MBD2: variants seen among roughly 807,000 people sequenced by gnomAD.
MBD2 encodes methyl-CpG-binding domain protein 2.
MBD2 carries 9 observed loss-of-function variants against 39.3 expected under a neutral mutation model. The ratio of observed to expected loss-of-function variants is 0.23; its 90% CI spans 0.14 to 0.40. The LOEUF (loss-of-function observed/expected upper bound fraction) is 0.40, where lower values mean the gene tolerates loss of function less well. Ranked by LOEUF, MBD2 falls within the 10% of genes least tolerant of loss-of-function variation. The probability of loss-of-function intolerance (pLI) is 1.00; values close to 1 mark genes in which losing one functional copy is unlikely to be tolerated. For synonymous variants in MBD2, 233 were observed against 211.1 expected (o/e 1.10, Z -0.90); for missense variants, 458 against 532.6 (o/e 0.86, Z 1.38).
intron 3 of MBD2, among the ~76,000 whole-genome samples, chr18:54,186,318 T>C (rs1416925850): frequency 6.6e-6 from 1 of 152,178 alleles, no homozygotes; most frequent in African/African-American, 2.4e-5. Flanking sequence ...ACTTCTCCAA[T>C]TGGAATATTT....
At chr18:54,212,453 T>C (rs1223169133) in intron 1 of MBD2, among the ~76,000 whole-genome samples, 1 of 152,174 alleles carries the variant, frequency 6.6e-6, no homozygotes, top group Non-Finnish European at 1.5e-5. Context: ...TCTTCTCAAA[T>C]AGCATATTGA....
intron 5 of MBD2, among the ~76,000 whole-genome samples, chr18:54,162,450 T>C (rs535123756): frequency 7.2e-5 from 11 of 152,316 alleles, no homozygotes; most frequent in Non-Finnish European, 1.5e-4. Context: ...ACAAGGAGTA[T>C]TTTCTTCCTA....
chr18:54,205,853 T>C (rs2086445622), intron 1 of MBD2, among the ~76,000 whole-genome samples: 1 of 152,100 alleles, frequency 6.6e-6, no homozygotes, highest in East Asian at 1.9e-4. Context: ...AAATGCTTTT[T>C]TTTTCCCTGC....
chr18:54,173,496 A>AAGG (rs2086192011), intron 3 of MBD2, among the ~76,000 whole-genome samples: 1 of 152,174 alleles, frequency 6.6e-6, no homozygotes, highest in African/African-American at 2.4e-5. Flanking sequence ...AGAGTAGAGA[A>AAGG]AGGAGGTCCC....
chr18:54,216,910 G>T (rs1347771151), intron 1 of MBD2, among the ~76,000 whole-genome samples: 2 of 152,180 alleles, frequency 1.3e-5, no homozygotes, highest in Admixed American at 6.5e-5. Flanking sequence ...GGCCAACATG[G>T]TGAAATCTCG....
chr18:54,170,335 T>C (rs1402453261), intron 3 of MBD2, among the ~76,000 whole-genome samples: 1 of 152,218 alleles, frequency 6.6e-6, no homozygotes, highest in East Asian at 1.9e-4. Context: ...AATTGTTATA[T>C]ATTTAACTTG....
chr18:54,203,029 A>T (rs773108615), intron 2 of MBD2: 1 of 1,248,896 alleles, frequency 8.0e-7, no homozygotes, highest in Admixed American at 1.7e-5. Flanking sequence ...TTCCAAGCAG[A>T]GCAAACAGCG....
intron 1 of MBD2, among the ~76,000 whole-genome samples, chr18:54,212,945 T>C (rs1368374925): frequency 2.6e-5 from 4 of 151,142 alleles, no homozygotes; most frequent in Admixed American, 6.6e-5. Context: ...GGTGAGAGGA[T>C]TGCTTGAGCC....
intron 4 of MBD2, 93 bp from the exon 5 acceptor site, chr18:54,164,793 T>C (rs2086119537): frequency 1.0e-6 from 1 of 992,514 alleles, no homozygotes; most frequent in Admixed American, 2.3e-5. Flanking sequence ...TTTATATTCA[T>C]TTGGGATCAT....
Position 54,223,973 on chromosome 18 carries a change from C to T in MBD2, c.542+45G>A, listed in dbSNP as rs755662188. The T allele has an allele frequency of 2.8e-6, 4 of 1,447,844 alleles. No individual in the cohort carries two copies. The Admixed American group carries it at 5.7e-5, about 21-fold the overall frequency. 89.7% of individuals were successfully genotyped at this position (1,447,844 alleles called of 1,614,324 possible). On this transcript the variant is annotated intron_variant, in intron 1 of 6. Transcript: ENST00000256429. ...GCCCAGGCCCGCTCTTGACCCCTGACCCCGGCCTGACCCCGCCACCCCCTC... is the reference window on the plus strand; with the variant it reads ...GCCCAGGCCCGCTCTTGACCCCTGATCCCGGCCTGACCCCGCCACCCCCTC...
chr18:54,198,195 G>A (rs1411955784), intron 2 of MBD2, among the ~76,000 whole-genome samples: 1 of 152,170 alleles, frequency 6.6e-6, no homozygotes, highest in Non-Finnish European at 1.5e-5. Flanking sequence ...GTGGTGAACT[G>A]ACCATGAAGT....
intron 1 of MBD2, among the ~76,000 whole-genome samples, chr18:54,223,486 G>C (rs1403813733): frequency 6.6e-6 from 1 of 152,216 alleles, no homozygotes; most frequent in Non-Finnish European, 1.5e-5. Flanking sequence ...ACTTAGTACA[G>C]TGTGTCAGTT....
intron 2 of MBD2, among the ~76,000 whole-genome samples, chr18:54,191,185 T>G (rs2086317792): frequency 6.6e-6 from 1 of 152,186 alleles, no homozygotes; most frequent in South Asian, 2.1e-4. Context: ...CCAGAGGGCT[T>G]GTTAAAACAC....
intron 1 of MBD2, among the ~76,000 whole-genome samples, chr18:54,214,511 T>G (rs1443447971): frequency 2.0e-5 from 3 of 152,206 alleles, no homozygotes; most frequent in African/African-American, 7.2e-5. Context: ...TGCATAATAT[T>G]TTTTTAAAAC....
chr18:54,222,029 T>G (rs8089348), intron 1 of MBD2, among the ~76,000 whole-genome samples: 37 of 152,356 alleles, frequency 2.4e-4, no homozygotes, highest in African/African-American at 8.7e-4. Context: ...CTACTGAGAA[T>G]AGCCTAGTCA....
intron 1 of MBD2, among the ~76,000 whole-genome samples, chr18:54,211,844 C>CT (rs998094294): frequency 6.6e-6 from 1 of 150,988 alleles, no homozygotes; most frequent in Non-Finnish European, 1.5e-5. Flanking sequence ...ATTTTAGATC[C>CT]TTTTTCCTAT....
Position 54,204,978 on chromosome 18 carries a change from C to A in MBD2, c.702+20G>T. Reference sequence around the variant, plus strand: ...GAGCTTTCGAAGTAGCATATACATGCGATAAGTAAATTAACCAACCTTATT... The same window carrying A: ...GAGCTTTCGAAGTAGCATATACATGAGATAAGTAAATTAACCAACCTTATT... On this transcript the variant is annotated intron_variant, in intron 2 of 6. Coordinates refer to ENST00000256429, the MANE Select transcript of MBD2 (RefSeq NM_003927.5). 1 of 1,607,648 alleles carries A rather than the reference C, an allele frequency of 6.2e-7. No homozygotes were observed. The highest frequency in any genetic ancestry group is 8.5e-7 in the Non-Finnish European group (1 of 1,176,714).
intron 2 of MBD2, among the ~76,000 whole-genome samples, chr18:54,190,316 T>C (rs1363496830): frequency 6.6e-6 from 1 of 152,178 alleles, no homozygotes; most frequent in African/African-American, 2.4e-5. Context: ...TCCCCAGGTC[T>C]GTTTGGGTTT....
intron 3 of MBD2, among the ~76,000 whole-genome samples, chr18:54,179,952 ACT>A (rs1491277711): frequency 2.0e-5 from 3 of 151,406 alleles, no homozygotes; most frequent in African/African-American, 7.3e-5. Flanking sequence ...AGAAAGAAAA[ACT>A]CTCATTGACA....
Sources: gnomAD v4.1 joint callset for allele counts (sites outside exome capture counted in the v4.1 genomes callset) on GRCh38, gnomAD v4.1.1 for gene constraint, MANE v1.5 for transcripts, NCBI Gene and HGNC (gene_info 2026-07-23, HGNC 2026-07-21) for gene names.